The following DAD1 variants were observed in gnomAD, a reference collection of about 807,000 sequenced individuals.
The protein encoded by DAD1 is dolichyl-diphosphooligosaccharide--protein glycosyltransferase subunit DAD1.
DAD1 carries 4 observed loss-of-function variants against 9.0 expected under a neutral mutation model. That is an observed-to-expected ratio of 0.44 (90% CI 0.22 to 1.01). The LOEUF is 1.01. Among genes scored for constraint, DAD1 ranks in the 50% least tolerant of loss-of-function variants. DAD1 has a pLI of 0.24. For missense variants in DAD1, 119 were observed against 137.3 expected (o/e 0.87, Z 0.67); for synonymous variants, 60 against 62.5 (o/e 0.96, Z 0.19).
At chr14:22,585,133 C>A (rs981017699) in intron 1 of DAD1, among the ~76,000 whole-genome samples, 1 of 152,194 alleles carries the variant, frequency 6.6e-6, no homozygotes, top group Non-Finnish European at 1.5e-5. Context: ...TAATAGCTCC[C>A]GTGAGACAGA....
chr14:22,565,194 A>G, intron 2 of DAD1, 57 bp from the exon 3 acceptor site: 1 of 698,956 alleles, frequency 1.4e-6, no homozygotes, highest in South Asian at 1.5e-5. Context: ...CAGGGCCCCA[A>G]ATCCTTCCAT....
chr14:22,582,113 AG>A (rs1404886229), intron 1 of DAD1, among the ~76,000 whole-genome samples: 1 of 152,180 alleles, frequency 6.6e-6, no homozygotes, highest in African/African-American at 2.4e-5. Context: ...AGGCTGAGGC[AG>A]AAGAATCGCT....
chr14:22,588,397 T>C (rs1045856461), intron 1 of DAD1, among the ~76,000 whole-genome samples: 1 of 152,048 alleles, frequency 6.6e-6, no homozygotes, highest in African/African-American at 2.4e-5. Flanking sequence ...TAAAATAGAG[T>C]TATGTGAACA....
intron 1 of DAD1, among the ~76,000 whole-genome samples, chr14:22,580,417 A>T (rs2037108259): frequency 6.7e-6 from 1 of 149,116 alleles, no homozygotes; most frequent in Non-Finnish European, 1.5e-5. Context: ...ACAAATCAAG[A>T]CCGTCTCAAA....
chr14:22,586,182 A>T (rs1178208023), intron 1 of DAD1, among the ~76,000 whole-genome samples: 1 of 149,030 alleles, frequency 6.7e-6, no homozygotes, highest in South Asian at 2.1e-4. Context: ...CCTGGGGGAC[A>T]GAGTGAGACT....
At chr14:22,573,515 T>C (rs537883403) in intron 2 of DAD1, among the ~76,000 whole-genome samples, 111 of 151,866 alleles carry the variant, frequency 7.3e-4, no homozygotes, top group South Asian at 1.2e-3. Flanking sequence ...GAGATCGAGA[T>C]CATCCTAACA....
intron 1 of DAD1, among the ~76,000 whole-genome samples, chr14:22,585,801 G>A (rs1431224312): frequency 2.0e-5 from 3 of 152,160 alleles, no homozygotes; most frequent in Non-Finnish European, 4.4e-5. Flanking sequence ...CACATGCAGA[G>A]GGAATAGAAG....
At chr14:22,580,298 T>C (rs2037107299) in intron 1 of DAD1, among the ~76,000 whole-genome samples, 1 of 151,990 alleles carries the variant, frequency 6.6e-6, no homozygotes, top group Non-Finnish European at 1.5e-5. Context: ...CACACACCTA[T>C]GGCCCCAGCT....
chr14:22,576,467 C>A (rs943614006), intron 1 of DAD1, among the ~76,000 whole-genome samples: 7 of 152,066 alleles, frequency 4.6e-5, no homozygotes, highest in African/African-American at 1.7e-4. Flanking sequence ...TAACTCGAAA[C>A]GGATCAAAGA....
rs185673217 is a variant in DAD1, at chr14:22,573,537, C to T, written c.*44+1522G>A. 2.3e-3 allele frequency among the ~76,000 whole-genome samples: 346 copies of T among 151,786 alleles called. 1 individual carries two copies. The highest frequency in any genetic ancestry group is 7.9e-3 in the African/African-American group (329 of 41,398). On this transcript the variant is annotated intron_variant, in intron 2 of 2. Coordinates refer to ENST00000250498, the MANE Select transcript of DAD1 (RefSeq NM_001344.4). ...AGATCATCCTAACACGGTGAAACTC[C>T]GTCTCTACTAAAAATACAAAAAATT...
chr14:22,584,047 C>T (rs1395981043), intron 1 of DAD1, among the ~76,000 whole-genome samples: 1 of 152,070 alleles, frequency 6.6e-6, no homozygotes, highest in African/African-American at 2.4e-5. Context: ...CCATTCTCAC[C>T]AATAATTCTC....
chr14:22,581,442 T>C lies in DAD1; in HGVS notation c.212-6209A>G, dbSNP rs1167162353. 2.6e-5 allele frequency among the ~76,000 whole-genome samples: 4 copies of C among 152,138 alleles called. No individual in the cohort carries two copies. In the East Asian group the frequency reaches 7.7e-4, roughly 29 times the overall value. On this transcript the variant is annotated intron_variant, in intron 1 of 2. Coordinates refer to ENST00000250498, the MANE Select transcript of DAD1 (RefSeq NM_001344.4). Reference sequence around the variant, plus strand: ...GACAGTAAGAACAATCTTGACATGTTATAAACACAAGGACAGACGCCAGGC... The same window carrying C: ...GACAGTAAGAACAATCTTGACATGTCATAAACACAAGGACAGACGCCAGGC...
At chr14:22,576,859 G>C (rs768399617) in intron 1 of DAD1, among the ~76,000 whole-genome samples, 3 of 152,140 alleles carry the variant, frequency 2.0e-5, no homozygotes, top group Non-Finnish European at 4.4e-5. Flanking sequence ...TGGCCAACAA[G>C]CATATGAAAA....
intron 2 of DAD1, among the ~76,000 whole-genome samples, chr14:22,569,301 C>A (rs1411994676): frequency 6.6e-6 from 1 of 152,046 alleles, no homozygotes; most frequent in Non-Finnish European, 1.5e-5. Flanking sequence ...GGCGTGGGAG[C>A]ACACACTTGT....
rs768308240 is a variant in DAD1, at chr14:22,589,092, C to A, written c.66G>T (p.Gln22His). The change falls in exon 1 of 3, where the codon CAG becomes CAT. Residue 22 changes from glutamine to histidine, a missense_variant. Coordinates refer to ENST00000250498, the MANE Select transcript of DAD1 (RefSeq NM_001344.4). ...FLEEYLSSTP[Q>H]RLKLLDAYLL... is the part of the protein sequence containing the mutation. ...GGTACGCGTCCAGCAACTTCAGACG[C>A]TGCGGAGTGGAGCTCAAGTACTCTT... 3.7e-6 allele frequency: 6 copies of A among 1,614,142 alleles called. No individual in the cohort carries two copies. In the Admixed American group the frequency reaches 8.3e-5, roughly 22 times the overall value.
At chr14:22,570,750 C>A (rs539018069) in intron 2 of DAD1, among the ~76,000 whole-genome samples, 6 of 152,288 alleles carry the variant, frequency 3.9e-5, no homozygotes, top group Non-Finnish European at 7.4e-5. Context: ...GGATCAAACA[C>A]TGAATTTTTT....
chr14:22,567,729 C>T (rs1383760692), intron 2 of DAD1, among the ~76,000 whole-genome samples: 1 of 152,198 alleles, frequency 6.6e-6, no homozygotes, highest in Non-Finnish European at 1.5e-5. Flanking sequence ...GGTGCAGACC[C>T]TGAATGTTTC....
chr14:22,573,590 G>A (rs1439887058), intron 2 of DAD1, among the ~76,000 whole-genome samples: 6 of 151,350 alleles, frequency 4.0e-5, no homozygotes, highest in Non-Finnish European at 7.4e-5. Context: ...GGCGCCTGTA[G>A]TCCCAGCTAC....
chr14:22,579,719 G>T (rs949880634), intron 1 of DAD1, among the ~76,000 whole-genome samples: 33 of 151,976 alleles, frequency 2.2e-4, no homozygotes, highest in African/African-American at 8.0e-4. Context: ...ACATCAAGGG[G>T]ATTAAACTAT....
Sources: allele counts gnomAD v4.1 joint callset (sites outside exome capture counted in the v4.1 genomes callset), GRCh38; gene constraint gnomAD v4.1.1; transcripts MANE v1.5; gene names NCBI Gene and HGNC (gene_info 2026-07-23, HGNC 2026-07-21).